The following UBE2R2 variants were observed in gnomAD, a reference collection of about 807,000 sequenced individuals.
The protein encoded by UBE2R2 is ubiquitin conjugating enzyme E2 R2.
Under a neutral mutation model 27.8 loss-of-function variants are expected in UBE2R2, and 1 was observed. That is an observed-to-expected ratio of 0.04 (90% CI 0.01 to 0.17). The LOEUF (loss-of-function observed/expected upper bound fraction) is 0.17, where lower values mean the gene tolerates loss of function less well. Ranked by LOEUF, UBE2R2 falls within the 10% of genes least tolerant of loss-of-function variation. The probability of loss-of-function intolerance (pLI) is 1.00; values close to 1 mark genes in which losing one functional copy is unlikely to be tolerated. For missense variants in UBE2R2, 100 were observed against 291.0 expected (o/e 0.34, Z 4.78); for synonymous variants, 106 against 113.3 (o/e 0.94, Z 0.41).
At chr9:33,829,574 T>C (rs947677790) in intron 1 of UBE2R2, among the ~76,000 whole-genome samples, 2 of 152,148 alleles carry the variant, frequency 1.3e-5, no homozygotes, top group African/African-American at 2.4e-5. Flanking sequence ...AATGATGATA[T>C]AGTACCTCTG....
At chr9:33,816,850 C>T (rs1185461936), upstream of UBE2R2, among the ~76,000 whole-genome samples, 1 of 152,258 alleles carries the variant, frequency 6.6e-6, no homozygotes, top group East Asian at 1.9e-4. Flanking sequence ...TTTGGAACTG[C>T]GGCGTCCAGC....
intron 2 of UBE2R2, among the ~76,000 whole-genome samples, chr9:33,888,204 G>A (rs186275515): frequency 2.6e-5 from 4 of 152,226 alleles, no homozygotes; most frequent in African/African-American, 9.6e-5. Flanking sequence ...TACGAGTGTA[G>A]TAGTCTATAA....
intron 3 of UBE2R2, among the ~76,000 whole-genome samples, chr9:33,908,086 A>G (rs1822401623): frequency 6.6e-6 from 1 of 152,168 alleles, no homozygotes; most frequent in Non-Finnish European, 1.5e-5. Context: ...CGGCCTCCCA[A>G]AGTACTGGGG....
chr9:33,880,201 C>T (rs370745156), intron 1 of UBE2R2, among the ~76,000 whole-genome samples: 2 of 152,020 alleles, frequency 1.3e-5, no homozygotes, highest in East Asian at 3.9e-4. Context: ...TTGTATTTTT[C>T]TCATTTCTTA....
intron 1 of UBE2R2, among the ~76,000 whole-genome samples, chr9:33,820,798 G>A (rs1438540081): frequency 6.6e-6 from 1 of 152,104 alleles, no homozygotes; most frequent in African/African-American, 2.4e-5. Flanking sequence ...TATATTAATA[G>A]GTTTCTAACT....
At chr9:33,868,915 A>C (rs1821421650) in intron 1 of UBE2R2, among the ~76,000 whole-genome samples, 2 of 152,198 alleles carry the variant, frequency 1.3e-5, no homozygotes, top group Admixed American at 1.3e-4. Flanking sequence ...TCACCTACTT[A>C]ATAGTATGTT....
At chr9:33,853,446 C>T (rs1042010354) in intron 1 of UBE2R2, among the ~76,000 whole-genome samples, 5 of 151,864 alleles carry the variant, frequency 3.3e-5, no homozygotes, top group Non-Finnish European at 7.4e-5. Flanking sequence ...CCACCATGCC[C>T]GGCTAATTTT....
rs1554678410 is a variant in UBE2R2 at position 33,919,603 on chromosome 9, G to GTAA, written c.*2366_*2367insTAA. The GTAA allele has an allele frequency of 2.0e-5, 2 of 99,846 alleles. No individual in the cohort carries two copies. Among genetic ancestry groups the GTAA allele is most frequent in the African/African-American group, 9.1e-5 (2 of 22,094 alleles). The allele number at this position is 99,846 out of a possible 1,614,324, so 6.2% of individuals were successfully genotyped here. ...GAGTACAATCAGTTCCAGAAGACTG[G>GTAA]GTAAGTCTCTTGCTAGCAGGTGGAC... On this transcript the variant is annotated 3_prime_UTR_variant, in exon 5 of 5. Coordinates refer to ENST00000263228, the MANE Select transcript of UBE2R2 (RefSeq NM_017811.4).
chr9:33,916,065 G>A (rs1170564358), intron 4 of UBE2R2, among the ~76,000 whole-genome samples: 1 of 152,170 alleles, frequency 6.6e-6, no homozygotes, highest in East Asian at 1.9e-4. Context: ...TCATGTGGCC[G>A]GGTGCAGTGG....
At chr9:33,816,991 G>C (rs1453983286), upstream of UBE2R2, among the ~76,000 whole-genome samples, 3 of 152,024 alleles carry the variant, frequency 2.0e-5, no homozygotes, top group Non-Finnish European at 4.4e-5. Flanking sequence ...GAGACCGAGA[G>C]GAGGCGTGGA....
At chr9:33,887,043 C>T (rs1404300694) in intron 2 of UBE2R2, 76 bp downstream of exon 2, 1 of 1,207,578 alleles carries the variant, frequency 8.3e-7, no homozygotes, top group Non-Finnish European at 1.2e-6. Flanking sequence ...CCTATCTCAG[C>T]ACACTTTGAT....
intron 2 of UBE2R2, among the ~76,000 whole-genome samples, chr9:33,899,638 G>A (rs1822201910): frequency 6.6e-6 from 1 of 152,226 alleles, no homozygotes; most frequent in Non-Finnish European, 1.5e-5. Context: ...CTCCCAAAGT[G>A]CTGGGATTAC....
At position 33,823,710 on chromosome 9, in the gene UBE2R2, T is replaced by C. The variant is rs1024997372; in HGVS notation, c.177+5776T>C. 3.3e-5 allele frequency among the ~76,000 whole-genome samples: 5 copies of C among 152,146 alleles called. No homozygotes were observed. In the East Asian group the frequency reaches 9.6e-4, roughly 29 times the overall value. On this transcript the variant is annotated intron_variant, in intron 1 of 4. Coordinates refer to ENST00000263228, the MANE Select transcript of UBE2R2 (RefSeq NM_017811.4). ...TTTTTAGGAAAATGATTGTTTGCCT[T>C]TTTGAGACAGGGATTCTTTTGAGAA...
In UBE2R2 at chr9:33,849,999, G is replaced by A. The variant is rs192845648; in HGVS notation, c.177+32065G>A. 1.2e-4 allele frequency among the ~76,000 whole-genome samples: 18 copies of A among 152,250 alleles called. No homozygotes were observed. The East Asian group carries it at 3.3e-3, about 28-fold the overall frequency. On this transcript the variant is annotated intron_variant, in intron 1 of 4. Transcript: ENST00000263228. ...CTGGTTCTGCAGCCTATACAAGTTTGTCTGCCTATATCTATATTTTTTCCT... is the reference window on the plus strand; with the variant it reads ...CTGGTTCTGCAGCCTATACAAGTTTATCTGCCTATATCTATATTTTTTCCT...
chr9:33,917,290 G>A lies in UBE2R2; in HGVS notation c.*53G>A. 6.2e-7 allele frequency: 1 copy of A among 1,602,084 alleles called. No homozygotes were observed. The highest frequency in any genetic ancestry group is 8.5e-7 in the Non-Finnish European group (1 of 1,175,090). The stretch of plus-strand genomic sequence containing the variant: ...CCTGCCATCTCAGGCCAAAGGGAGG[G>A]GAGCAAGTGGGGACCTGGCCATGGC... On this transcript the variant is annotated 3_prime_UTR_variant, in exon 5 of 5. Coordinates refer to ENST00000263228, the MANE Select transcript of UBE2R2 (RefSeq NM_017811.4).
At chr9:33,872,991 A>G (rs930442492) in intron 1 of UBE2R2, among the ~76,000 whole-genome samples, 6 of 151,946 alleles carry the variant, frequency 3.9e-5, no homozygotes, top group African/African-American at 1.4e-4. Flanking sequence ...CCTGGCCAAC[A>G]TGGTGAAACC....
chr9:33,909,431 T>C (rs10971781), intron 3 of UBE2R2, among the ~76,000 whole-genome samples: 12,203 of 152,230 alleles, frequency 0.08, 712 homozygotes, highest in Non-Finnish European at 0.12. Context: ...GAGGTTGCAG[T>C]GAGCCAAGAT....
At chr9:33,853,975 C>T (rs911564479) in intron 1 of UBE2R2, among the ~76,000 whole-genome samples, 1 of 151,824 alleles carries the variant, frequency 6.6e-6, no homozygotes. Flanking sequence ...GGATTACAGG[C>T]ATGAGCCACT....
chr9:33,871,662 A>G (rs535838946), intron 1 of UBE2R2, among the ~76,000 whole-genome samples: 1 of 152,328 alleles, frequency 6.6e-6, no homozygotes, highest in Non-Finnish European at 1.5e-5. Flanking sequence ...CAAGATTGTA[A>G]TTAACTTCTG....
Sources: gnomAD v4.1 joint callset for allele counts (sites outside exome capture counted in the v4.1 genomes callset) on GRCh38, gnomAD v4.1.1 for gene constraint, MANE v1.5 for transcripts, NCBI Gene and HGNC (gene_info 2026-07-23, HGNC 2026-07-21) for gene names.